ANAPC1: variants seen among roughly 807,000 people sequenced by gnomAD.
ANAPC1 encodes anaphase-promoting complex subunit 1.
A neutral mutation model predicts 208.0 loss-of-function variants in ANAPC1; 36 were observed. The observed-to-expected ratio is 0.17, with a 90% confidence interval of 0.13 to 0.23. ANAPC1 has a LOEUF of 0.23. ANAPC1 is among the 10% of genes least tolerant of loss of function. ANAPC1 has a pLI of 1.00. For synonymous variants in ANAPC1, 378 were observed against 695.2 expected (o/e 0.54, Z 7.18); for missense variants, 942 against 2,011.6 (o/e 0.47, Z 10.17).
intron 38 of ANAPC1, among the ~76,000 whole-genome samples, chr2:111,790,546 A>T (rs1558667454): frequency 6.6e-6 from 1 of 152,208 alleles, no homozygotes; most frequent in African/African-American, 2.4e-5. Flanking sequence ...GCGGGAAAAA[A>T]ACATGGAGAA....
intron 22 of ANAPC1, 108 bp downstream of exon 22, chr2:111,825,669 G>A (rs1679794001): frequency 1.8e-6 from 2 of 1,104,220 alleles, no homozygotes; most frequent in Non-Finnish European, 2.6e-6. Context: ...GTACTAAAAA[G>A]GTAAGACATG....
At chr2:111,828,514 C>T (rs972005893) in intron 21 of ANAPC1, among the ~76,000 whole-genome samples, 3 of 152,150 alleles carry the variant, frequency 2.0e-5, no homozygotes, top group Non-Finnish European at 2.9e-5. Flanking sequence ...CAGCACTATT[C>T]GCAACAGTCA....
intron 18 of ANAPC1, among the ~76,000 whole-genome samples, chr2:111,838,063 C>G (rs1034650989): frequency 3.3e-5 from 4 of 122,684 alleles, no homozygotes; most frequent in Non-Finnish European, 6.8e-5. Flanking sequence ...CCATCCCGGG[C>G]AACAAGAGTG....
intron 18 of ANAPC1, among the ~76,000 whole-genome samples, chr2:111,835,142 T>C (rs1041680360): frequency 1.3e-5 from 2 of 152,140 alleles, no homozygotes; most frequent in African/African-American, 2.4e-5. Flanking sequence ...AATTATACTA[T>C]TTAGGTAGAG....
intron 13 of ANAPC1, among the ~76,000 whole-genome samples, chr2:111,855,145 G>T (rs1258342401): frequency 6.6e-5 from 10 of 152,174 alleles, no homozygotes; most frequent in Non-Finnish European, 1.5e-5. Context: ...GAGGCAGGAG[G>T]AGACAGAGAG....
chr2:111,870,342 T>A (rs1439091736), intron 6 of ANAPC1, among the ~76,000 whole-genome samples: 1 of 152,164 alleles, frequency 6.6e-6, no homozygotes, highest in Non-Finnish European at 1.5e-5. Context: ...CAGCAGTGTA[T>A]AAGCATTCCC....
chr2:111,832,956 A>AAAAAAAAAAAAAC (rs397748618), intron 20 of ANAPC1, among the ~76,000 whole-genome samples: 1 of 150,272 alleles, frequency 6.7e-6, no homozygotes, highest in Non-Finnish European at 1.5e-5. Flanking sequence ...AAAAAAAAAA[A>AAAAAAAAAAAAAC]GCATCCTTGA....
chr2:111,801,440 C>G (rs1160836253), intron 33 of ANAPC1, among the ~76,000 whole-genome samples: 1 of 112,192 alleles, frequency 8.9e-6, no homozygotes, highest in Non-Finnish European at 1.9e-5. Context: ...CTACCTTAAA[C>G]ATGCTCCAAA....
intron 15 of ANAPC1, 132 bp from the exon 16 acceptor site, chr2:111,847,330 T>C: frequency 3.1e-6 from 2 of 640,280 alleles, no homozygotes; most frequent in Non-Finnish European, 5.2e-6. Flanking sequence ...CAAACAGAAA[T>C]GAACACTTCC....
chr2:111,871,927 T>C (rs1275306944), intron 6 of ANAPC1, among the ~76,000 whole-genome samples: 1 of 152,170 alleles, frequency 6.6e-6, no homozygotes, highest in Non-Finnish European at 1.5e-5. Context: ...TATAATCATA[T>C]TATCAGCAAA....
At chr2:111,777,227 C>T (rs1677039527) in intron 45 of ANAPC1, among the ~76,000 whole-genome samples, 170 bp from the exon 46 acceptor site, 1 of 152,156 alleles carries the variant, frequency 6.6e-6, no homozygotes. Flanking sequence ...TCACTGGGTA[C>T]AGGTGCATGG....
intron 13 of ANAPC1, among the ~76,000 whole-genome samples, chr2:111,852,668 T>C (rs1681469144): frequency 6.6e-6 from 1 of 152,148 alleles, no homozygotes; most frequent in African/African-American, 2.4e-5. Flanking sequence ...CCATGTTCCA[T>C]GACCAAATCT....
chr2:111,859,688 TTCTC>T (rs1024802782), intron 10 of ANAPC1, among the ~76,000 whole-genome samples: 63 of 152,332 alleles, frequency 4.1e-4, no homozygotes, highest in Middle Eastern at 3.4e-3. Flanking sequence ...CCCCATTTCA[TTCTC>T]TCTAAGATTA....
At chr2:111,792,139 T>C (rs1183279851) in intron 38 of ANAPC1, among the ~76,000 whole-genome samples, 1 of 151,276 alleles carries the variant, frequency 6.6e-6, no homozygotes, top group Non-Finnish European at 1.5e-5. Flanking sequence ...TTCTGAGAAA[T>C]ACAGTGATGC....
rs535226281 is a variant in ANAPC1 at position 111,862,196 on chromosome 2, G to A, written c.1262+193C>T. 5.2e-4 allele frequency among the ~76,000 whole-genome samples: 79 copies of A among 152,128 alleles called. 1 individual carries two copies. The highest frequency in any genetic ancestry group is 1.3e-3 in the Admixed American group (20 of 15,280). Reference sequence around the variant, plus strand: ...TGGGATTACAGGCATGAACCACCACGTCCAGCCTATGATCACTTTAATATC... The same window carrying A: ...TGGGATTACAGGCATGAACCACCACATCCAGCCTATGATCACTTTAATATC... On this transcript the variant is annotated intron_variant, in intron 10 of 47. Transcript: ENST00000341068.
At chr2:111,873,168 C>T in intron 5 of ANAPC1, 140 bp downstream of exon 5, 1 of 877,286 alleles carries the variant, frequency 1.1e-6, no homozygotes, top group African/African-American at 1.7e-5. Context: ...GCCACTAAAG[C>T]TGCCAAAATT....
At chr2:111,823,391 G>A (rs916039897) in intron 24 of ANAPC1, among the ~76,000 whole-genome samples, 2 of 151,908 alleles carry the variant, frequency 1.3e-5, no homozygotes, top group Non-Finnish European at 2.9e-5. Context: ...CAGTTGGTAT[G>A]TATAGGTCAA....
chr2:111,830,549 G>C (rs1680075091), intron 21 of ANAPC1, among the ~76,000 whole-genome samples: 1 of 151,958 alleles, frequency 6.6e-6, no homozygotes, highest in Admixed American at 6.6e-5. Context: ...TTTGCTCTTT[G>C]ATGTATTAAG....
At chr2:111,784,466 A>G in intron 40 of ANAPC1, 66 bp from the exon 41 acceptor site, 5 of 1,579,256 alleles carry the variant, frequency 3.2e-6, no homozygotes, top group Non-Finnish European at 4.3e-6. Flanking sequence ...AAGAAGAAAC[A>G]TCTCCACGCT....
Sources: gnomAD v4.1 joint callset for allele counts (sites outside exome capture counted in the v4.1 genomes callset) on GRCh38, gnomAD v4.1.1 for gene constraint, MANE v1.5 for transcripts, NCBI Gene and HGNC (gene_info 2026-07-23, HGNC 2026-07-21) for gene names.